The following PTPRT variants were observed in gnomAD, a reference collection of about 807,000 sequenced individuals.
PTPRT encodes receptor-type tyrosine-protein phosphatase T.
In PTPRT, 56 loss-of-function variants were observed where a neutral mutation model predicts 176.8. The ratio of observed to expected loss-of-function variants is 0.32; its 90% CI spans 0.26 to 0.40. PTPRT has a LOEUF of 0.40. Ranked by LOEUF, PTPRT falls within the 10% of genes least tolerant of loss-of-function variation. The pLI, the probability that PTPRT is intolerant of heterozygous loss-of-function variation, is 1.00. For missense variants in PTPRT, 1,540 were observed against 1,908.2 expected (o/e 0.81, Z 3.60); for synonymous variants, 783 against 739.0 (o/e 1.06, Z -0.96).
intron 9 of PTPRT, among the ~76,000 whole-genome samples, chr20:42,406,081 G>A (rs1023598655): frequency 6.6e-6 from 1 of 151,878 alleles, no homozygotes; most frequent in Non-Finnish European, 1.5e-5. Flanking sequence ...GAGGCAGCTA[G>A]GGATATATCC....
intron 7 of PTPRT, among the ~76,000 whole-genome samples, chr20:42,517,142 C>T (rs1016388340): frequency 6.6e-6 from 1 of 151,908 alleles, no homozygotes; most frequent in Non-Finnish European, 1.5e-5. Flanking sequence ...GTAAAACTTG[C>T]CTATTAAATC....
chr20:42,878,158 G>A (rs187666896), intron 2 of PTPRT, among the ~76,000 whole-genome samples: 86 of 152,286 alleles, frequency 5.6e-4, no homozygotes, highest in East Asian at 1.2e-3. Flanking sequence ...AATACTCACC[G>A]CAACATGATT....
chr20:42,859,149 G>C (rs1475570250), intron 2 of PTPRT, among the ~76,000 whole-genome samples: 1 of 152,114 alleles, frequency 6.6e-6, no homozygotes, highest in Non-Finnish European at 1.5e-5. Flanking sequence ...AATCAAGAAG[G>C]TACACCATTT....
At chr20:42,648,519 C>A (rs964461121) in intron 7 of PTPRT, among the ~76,000 whole-genome samples, 7 of 152,062 alleles carry the variant, frequency 4.6e-5, no homozygotes, top group Middle Eastern at 3.2e-3. Flanking sequence ...GAGAAGCTGC[C>A]CACATGAAGA....
intron 9 of PTPRT, among the ~76,000 whole-genome samples, chr20:42,371,549 C>T (rs1382520378): frequency 6.6e-6 from 1 of 152,190 alleles, no homozygotes; most frequent in Non-Finnish European, 1.5e-5. Context: ...CACAAAAGGG[C>T]CATGTTGGCT....
chr20:42,384,396 G>T (rs183569472), intron 9 of PTPRT, among the ~76,000 whole-genome samples: 1 of 152,282 alleles, frequency 6.6e-6, no homozygotes, highest in Admixed American at 6.5e-5. Flanking sequence ...CCTTGAGGAT[G>T]AATCGGTAGG....
the PTPRT span, among the ~76,000 whole-genome samples, chr20:42,039,692 G>GTGTATATATATATATATA: frequency 7.1e-5 from 8 of 113,204 alleles, 1 homozygote; most frequent in Non-Finnish European, 1.6e-4. Context: ...ATTCTGTTGT[G>GTGTATATATATATATATA]TATATATATA....
the PTPRT span, among the ~76,000 whole-genome samples, chr20:42,060,516 T>C: frequency 7.2e-5 from 11 of 152,154 alleles, no homozygotes; most frequent in Non-Finnish European, 1.3e-4. Flanking sequence ...AAGTGAATCA[T>C]GGGGGCAAGT....
chr20:42,846,527 G>A (rs1419701657), intron 2 of PTPRT, among the ~76,000 whole-genome samples: 2 of 152,184 alleles, frequency 1.3e-5, no homozygotes, highest in Non-Finnish European at 2.9e-5. Flanking sequence ...CACATTCTTG[G>A]CTTCTAGGGG....
intron 27 of PTPRT, among the ~76,000 whole-genome samples, 185 bp downstream of exon 27, chr20:42,098,236 T>TC (rs1555862916): frequency 2.0e-5 from 3 of 151,852 alleles, no homozygotes; most frequent in African/African-American, 7.3e-5. Context: ...GCTGGAGGTC[T>TC]GGGGGGTGAC....
the PTPRT span, among the ~76,000 whole-genome samples, chr20:42,037,401 G>T: frequency 1.3e-5 from 2 of 152,128 alleles, no homozygotes; most frequent in African/African-American, 4.8e-5. Flanking sequence ...GGGGTACAGG[G>T]GACCCTATAA....
chr20:42,283,072 A>G (rs776320568), intron 12 of PTPRT, among the ~76,000 whole-genome samples: 2 of 152,148 alleles, frequency 1.3e-5, no homozygotes, highest in African/African-American at 2.4e-5. Context: ...GGGCCTCGCA[A>G]CCTTCATAAA....
chr20:42,969,956 T>C (rs1982525822), intron 1 of PTPRT, among the ~76,000 whole-genome samples: 1 of 152,182 alleles, frequency 6.6e-6, no homozygotes, highest in Non-Finnish European at 1.5e-5. Flanking sequence ...ATTATATGGA[T>C]GAGGAAACAG....
At chr20:42,466,429 A>C (rs1159636490) in intron 8 of PTPRT, among the ~76,000 whole-genome samples, 1 of 152,222 alleles carries the variant, frequency 6.6e-6, no homozygotes, top group Non-Finnish European at 1.5e-5. Flanking sequence ...ATACAGAGAA[A>C]AGAACTGAAC....
At chr20:42,935,802 T>C (rs1373659615) in intron 1 of PTPRT, among the ~76,000 whole-genome samples, 1 of 152,260 alleles carries the variant, frequency 6.6e-6, no homozygotes, top group Non-Finnish European at 1.5e-5. Context: ...CAGGCTGGAA[T>C]GCAATGGCGC....
At chr20:42,507,778 C>A (rs1479564531) in intron 7 of PTPRT, among the ~76,000 whole-genome samples, 1 of 151,498 alleles carries the variant, frequency 6.6e-6, no homozygotes, top group Non-Finnish European at 1.5e-5. Context: ...TGGGTTGCAA[C>A]AGCAGCCAGA....
intron 2 of PTPRT, among the ~76,000 whole-genome samples, chr20:42,824,893 TA>T (rs112736557): frequency 6.6e-6 from 1 of 151,930 alleles, no homozygotes; most frequent in Non-Finnish European, 1.5e-5. Flanking sequence ...CCTTTCTCCA[TA>T]AAAAAGCTTA....
chr20:42,119,872 G>A (rs1337523480), intron 20 of PTPRT, 63 bp downstream of exon 20: 18 of 1,440,062 alleles, frequency 1.2e-5, no homozygotes, highest in Non-Finnish European at 1.6e-5. Flanking sequence ...GCAGTTAAGA[G>A]AGCCCTTTCC....
intron 1 of PTPRT, among the ~76,000 whole-genome samples, chr20:42,977,790 A>G (rs923237693): frequency 5.3e-5 from 8 of 152,240 alleles, no homozygotes; most frequent in African/African-American, 1.9e-4. Context: ...ATTGCTGAAC[A>G]TTTAAAATTG....
Sources: gnomAD v4.1 joint callset for allele counts (sites outside exome capture counted in the v4.1 genomes callset) on GRCh38, gnomAD v4.1.1 for gene constraint, MANE v1.5 for transcripts, NCBI Gene and HGNC (gene_info 2026-07-23, HGNC 2026-07-21) for gene names.